The following PTPRD variants were observed in gnomAD, a reference collection of about 807,000 sequenced individuals.
PTPRD encodes the protein receptor-type tyrosine-protein phosphatase delta.
Under a neutral mutation model 214.5 loss-of-function variants are expected in PTPRD, and 34 were observed. The ratio of observed to expected loss-of-function variants is 0.16; its 90% CI spans 0.12 to 0.21. The LOEUF (loss-of-function observed/expected upper bound fraction) is 0.21. PTPRD is among the 10% of genes least tolerant of loss of function. The pLI, the probability that PTPRD is intolerant of heterozygous loss-of-function variation, is 1.00. For synonymous variants in PTPRD, 1,128 were observed against 845.7 expected (o/e 1.33, Z -5.79); for missense variants, 2,545 against 2,398.7 (o/e 1.06, Z -1.27).
intron 5 of PTPRD, among the ~76,000 whole-genome samples, chr9:9,862,846 A>G (rs2153694393): frequency 6.6e-6 from 1 of 152,288 alleles, no homozygotes; most frequent in South Asian, 2.1e-4. Context: ...CTTTCTGTAT[A>G]CATTCTATTT....
chr9:8,441,460 T>C (rs2095544463), intron 34 of PTPRD, among the ~76,000 whole-genome samples: 1 of 151,990 alleles, frequency 6.6e-6, no homozygotes, highest in African/African-American at 2.4e-5. Flanking sequence ...CAGTTTTCAA[T>C]GTTGACTCAA....
At chr9:9,918,736 G>C (rs912756322) in intron 5 of PTPRD, among the ~76,000 whole-genome samples, 3 of 152,058 alleles carry the variant, frequency 2.0e-5, no homozygotes, top group African/African-American at 7.2e-5. Context: ...AGAGAATGCA[G>C]AAATTAATCC....
At chr9:9,329,807 G>C (rs2041623149) in intron 9 of PTPRD, among the ~76,000 whole-genome samples, 1 of 152,134 alleles carries the variant, frequency 6.6e-6, no homozygotes. Context: ...AATGCAAATG[G>C]GTTTTCAGTA....
In PTPRD at chr9:10,074,739, G is replaced by C. The variant is rs559792994; in HGVS notation, c.-544-40949C>G. Among the ~76,000 whole-genome samples the C allele has an allele frequency of 1.4e-4, 21 of 151,976 alleles. No individual in the cohort carries two copies. In the South Asian group the frequency reaches 4.4e-3, roughly 32 times the overall value. On this transcript the variant is annotated intron_variant, in intron 3 of 45. Transcript: ENST00000381196. ...ACTTCCTGCACATGTTGTGCATTCAGCTTATGTTTCCAAACCAGAGTAGTG... is the reference window on the plus strand; with the variant it reads ...ACTTCCTGCACATGTTGTGCATTCACCTTATGTTTCCAAACCAGAGTAGTG...
At chr9:9,368,854 C>T (rs1260258935) in intron 9 of PTPRD, among the ~76,000 whole-genome samples, 2 of 151,874 alleles carry the variant, frequency 1.3e-5, no homozygotes, top group East Asian at 3.9e-4. Flanking sequence ...GTGCTGCACC[C>T]ATTAACTCGT....
At chr9:9,057,464 A>G (rs1162215661) in intron 10 of PTPRD, among the ~76,000 whole-genome samples, 1 of 152,176 alleles carries the variant, frequency 6.6e-6, no homozygotes, top group African/African-American at 2.4e-5. Flanking sequence ...TTTGAAAACT[A>G]TATGTTAAAA....
intron 11 of PTPRD, among the ~76,000 whole-genome samples, chr9:8,823,129 G>A (rs1156774940): frequency 6.6e-6 from 1 of 151,840 alleles, no homozygotes; most frequent in Non-Finnish European, 1.5e-5. Context: ...CTTCTCTCCC[G>A]GTATTCTACT....
chr9:8,972,630 T>G (rs1372053015), intron 11 of PTPRD, among the ~76,000 whole-genome samples: 1 of 151,980 alleles, frequency 6.6e-6, no homozygotes, highest in East Asian at 1.9e-4. Flanking sequence ...TAATATGCAT[T>G]ATCTCATTTA....
At chr9:10,395,897 C>A (rs1486753560) in intron 2 of PTPRD, among the ~76,000 whole-genome samples, 1 of 150,672 alleles carries the variant, frequency 6.6e-6, no homozygotes, top group African/African-American at 2.4e-5. Context: ...ACACTGTGGT[C>A]CTGAAGTAGC....
intron 11 of PTPRD, among the ~76,000 whole-genome samples, chr9:8,805,465 C>A (rs1338869931): frequency 6.6e-6 from 1 of 151,278 alleles, no homozygotes; most frequent in South Asian, 2.1e-4. Context: ...AAGCCAGTGG[C>A]TTGCCAATTT....
rs184719825 is a variant in PTPRD at position 9,548,835 on chromosome 9, C to G, written c.-237+25897G>C. Among the ~76,000 whole-genome samples, 198 of 152,058 alleles carry G rather than the reference C, an allele frequency of 1.3e-3. 1 individual carries two copies. The highest frequency in any genetic ancestry group is 2.1e-3 in the Non-Finnish European group (140 of 67,980). ...AGACATAGCAATACTAAATGTATATCCCTTAAAAGAAAACTTCAAAAATAA... is the reference window on the plus strand; with the variant it reads ...AGACATAGCAATACTAAATGTATATGCCTTAAAAGAAAACTTCAAAAATAA... On this transcript the variant is annotated intron_variant, in intron 8 of 45. Transcript: ENST00000381196.
chr9:8,930,379 G>A (rs900701094), intron 11 of PTPRD, among the ~76,000 whole-genome samples: 54 of 152,068 alleles, frequency 3.6e-4, no homozygotes, highest in African/African-American at 1.3e-3. Flanking sequence ...CATCTGGGTT[G>A]GTTCCAAGTC....
chr9:8,463,289 C>T (rs1251539343), intron 32 of PTPRD, among the ~76,000 whole-genome samples: 2 of 99,608 alleles, frequency 2.0e-5, no homozygotes, highest in African/African-American at 7.8e-5. Context: ...TATATATGTC[C>T]AAGCTTCTCA....
chr9:9,894,220 C>A (rs1309399442), intron 5 of PTPRD, among the ~76,000 whole-genome samples: 3 of 152,032 alleles, frequency 2.0e-5, no homozygotes, highest in South Asian at 2.1e-4. Context: ...GGTCTCTCTG[C>A]CTCTGTTATG....
chr9:10,445,961 C>T (rs1380179725), intron 2 of PTPRD, among the ~76,000 whole-genome samples: 1 of 151,782 alleles, frequency 6.6e-6, no homozygotes. Flanking sequence ...AGCAGGTAAA[C>T]CAAAATGTGT....
intron 11 of PTPRD, chr9:8,860,353 G>C (rs1428145240): frequency 6.6e-6 from 1 of 152,212 alleles, no homozygotes; most frequent in African/African-American, 2.4e-5. Context: ...AGGGGATACA[G>C]AGGACAGTAC....
At chr9:8,939,627 C>T (rs899387632) in intron 11 of PTPRD, among the ~76,000 whole-genome samples, 14 of 152,090 alleles carry the variant, frequency 9.2e-5, no homozygotes, top group Admixed American at 7.9e-4. Context: ...CACTGCAAAT[C>T]TTTCCAAATC....
chr9:10,366,181 G>T (rs984945936), intron 2 of PTPRD, among the ~76,000 whole-genome samples: 5 of 152,142 alleles, frequency 3.3e-5, no homozygotes, highest in Non-Finnish European at 7.3e-5. Flanking sequence ...ATGGCTCTGC[G>T]ATGTATGCTT....
At chr9:8,389,472 G>A (rs2135679235) in intron 36 of PTPRD, 65 bp from the exon 37 acceptor site, 1 of 1,264,470 alleles carries the variant, frequency 7.9e-7, no homozygotes, top group Non-Finnish European at 1.1e-6. Context: ...CCTGGGACAT[G>A]ACCTAATGGC....
Sources: gnomAD v4.1 joint callset for allele counts (sites outside exome capture counted in the v4.1 genomes callset) on GRCh38, gnomAD v4.1.1 for gene constraint, MANE v1.5 for transcripts, NCBI Gene and HGNC (gene_info 2026-07-23, HGNC 2026-07-21) for gene names.